The following FMN2 variants were observed in gnomAD, a reference collection of about 807,000 sequenced individuals.
FMN2 encodes the protein formin-2.
A neutral mutation model predicts 142.3 loss-of-function variants in FMN2; 51 were observed. That is an observed-to-expected ratio of 0.36 (90% CI 0.29 to 0.45). The LOEUF (loss-of-function observed/expected upper bound fraction) is 0.45. Among genes scored for constraint, FMN2 ranks in the 20% least tolerant of loss-of-function variants. The pLI is 1.00. For missense variants in FMN2, 1,936 were observed against 2,122.8 expected (o/e 0.91, Z 1.73); for synonymous variants, 882 against 869.8 (o/e 1.01, Z -0.25).
chr1:240,211,379 A>T, intron 6 of FMN2, 144 bp downstream of exon 6: 1 of 726,592 alleles, frequency 1.4e-6, no homozygotes, highest in Non-Finnish European at 2.2e-6. Flanking sequence ...ACTTTAGAAC[A>T]TGTGGTTAAG....
At chr1:240,218,881 C>T (rs549276596) in intron 6 of FMN2, among the ~76,000 whole-genome samples, 3 of 152,078 alleles carry the variant, frequency 2.0e-5, no homozygotes, top group African/African-American at 4.8e-5. Context: ...TTGAATTATC[C>T]TTCAGGTTCC....
rs1165001371 is a variant in FMN2, at chr1:240,092,677, A to G, written c.568A>G (p.Thr190Ala). The G allele has an allele frequency of 6.2e-7, 1 of 1,614,074 alleles. No individual in the cohort carries two copies. ...DTDIYSFHSA[T>A]EQEDLLSDIQ... ...GGACATCTATAGCTTCCATTCGGCT[A>G]CGGAGCAAGAGGATTTGCTTTCAGA... The change falls in exon 1 of 18, where the codon ACG becomes GCG. Residue 190 changes from threonine to alanine, a missense_variant. Thr to Ala is a moderately conservative substitution (Grantham distance 58, BLOSUM62 0). Around this residue, in one of 8 missense-constraint regions of FMN2, gnomAD observed 751 missense variants for 791.8 expected, o/e 0.95. Transcript: ENST00000319653.
At chr1:240,111,642 CTT>C (rs1661810838) in intron 1 of FMN2, among the ~76,000 whole-genome samples, 2 of 152,080 alleles carry the variant, frequency 1.3e-5, no homozygotes, top group Admixed American at 1.3e-4. Context: ...TGCAATCTGT[CTT>C]ATCAGCCTTA....
intron 13 of FMN2, among the ~76,000 whole-genome samples, chr1:240,350,723 T>A (rs1672069161): frequency 6.6e-6 from 1 of 152,152 alleles, no homozygotes; most frequent in African/African-American, 2.4e-5. Context: ...CATTTGTACG[T>A]GTTCTGTAGA....
intron 13 of FMN2, among the ~76,000 whole-genome samples, chr1:240,349,753 C>G (rs1349859837): frequency 6.6e-6 from 1 of 152,142 alleles, no homozygotes; most frequent in Non-Finnish European, 1.5e-5. Context: ...GATATAAAAT[C>G]TTTTTGACTC....
intron 13 of FMN2, among the ~76,000 whole-genome samples, chr1:240,349,287 A>G (rs1052966668): frequency 1.3e-5 from 2 of 152,202 alleles, no homozygotes; most frequent in Non-Finnish European, 2.9e-5. Context: ...CGTGGGAAAC[A>G]GTTGGATTTT....
At chr1:240,302,384 C>T (rs1670230126) in intron 8 of FMN2, among the ~76,000 whole-genome samples, 1 of 151,866 alleles carries the variant, frequency 6.6e-6, no homozygotes, top group South Asian at 2.1e-4. Context: ...AATTCTTACA[C>T]TTATCAAGGG....
chr1:240,228,327 A>AAAAAAAAAAG (rs1667404340), intron 6 of FMN2, among the ~76,000 whole-genome samples: 3 of 78,380 alleles, frequency 3.8e-5, no homozygotes, highest in Non-Finnish European at 6.9e-5. Flanking sequence ...AAAAAAAAAA[A>AAAAAAAAAAG]AAAAAGAAAA....
At chr1:240,264,496 A>G (rs1219997999) in intron 7 of FMN2, among the ~76,000 whole-genome samples, 1 of 152,122 alleles carries the variant, frequency 6.6e-6, no homozygotes, top group African/African-American at 2.4e-5. Flanking sequence ...TCTGTCATCT[A>G]CATTAGCTGT....
At chr1:240,359,950 C>G (rs556253401) in intron 14 of FMN2, among the ~76,000 whole-genome samples, 1 of 152,340 alleles carries the variant, frequency 6.6e-6, no homozygotes, top group African/African-American at 2.4e-5. Context: ...ATAGCATACA[C>G]TGTCTTGCTC....
At chr1:240,198,172 G>T (rs1004303812) in intron 4 of FMN2, among the ~76,000 whole-genome samples, 1 of 152,112 alleles carries the variant, frequency 6.6e-6, no homozygotes, top group Non-Finnish European at 1.5e-5. Flanking sequence ...TTGCTTTAAA[G>T]TATGGTCCAG....
intron 4 of FMN2, among the ~76,000 whole-genome samples, chr1:240,193,133 A>G (rs759309185): frequency 3.3e-4 from 50 of 152,184 alleles, no homozygotes; most frequent in Non-Finnish European, 4.6e-4. Context: ...ACTAGTTTGC[A>G]CTATGCAACA....
intron 2 of FMN2, among the ~76,000 whole-genome samples, chr1:240,135,805 G>A (rs943857523): frequency 6.0e-5 from 9 of 150,922 alleles, no homozygotes; most frequent in African/African-American, 2.0e-4. Flanking sequence ...TCAGCCTTCC[G>A]AGTAGCTGGG....
chr1:240,255,121 T>C (rs1478655407), intron 6 of FMN2, among the ~76,000 whole-genome samples: 1 of 152,154 alleles, frequency 6.6e-6, no homozygotes, highest in Non-Finnish European at 1.5e-5. Flanking sequence ...TGAGGGAGCC[T>C]GGAGAACCTT....
At chr1:240,239,381 C>G (rs949047846) in intron 6 of FMN2, among the ~76,000 whole-genome samples, 1 of 152,150 alleles carries the variant, frequency 6.6e-6, no homozygotes, top group Non-Finnish European at 1.5e-5. Context: ...AGAAAGAAGA[C>G]TATTTGGTCT....
At chr1:240,458,079 G>A (rs1676312542) in intron 16 of FMN2, 1 of 152,196 alleles carries the variant, frequency 6.6e-6, no homozygotes, top group African/African-American at 2.4e-5. Flanking sequence ...ACACGCTCTT[G>A]AGGCATTGGT....
At chr1:240,266,182 C>T (rs1409961703) in intron 7 of FMN2, among the ~76,000 whole-genome samples, 1 of 83,984 alleles carries the variant, frequency 1.2e-5, no homozygotes, top group African/African-American at 4.6e-5. Context: ...CAATCTTTGT[C>T]CCTTTCTCCC....
intron 15 of FMN2, among the ~76,000 whole-genome samples, chr1:240,399,062 C>T (rs546906312): frequency 2.8e-4 from 42 of 152,170 alleles, no homozygotes; most frequent in African/African-American, 1.0e-3. Context: ...ATTTTGGTAC[C>T]TGCACCAAAC....
In FMN2 at chr1:240,371,370, T is replaced by C. The variant is rs545423777; in HGVS notation, c.4858+15462T>C. Among the ~76,000 whole-genome samples, 189 of 152,268 alleles carry C rather than the reference T, an allele frequency of 1.2e-3. 1 individual carries two copies. Among genetic ancestry groups the C allele is most frequent in the Non-Finnish European group, 1.1e-3 (78 of 68,022 alleles). On this transcript the variant is annotated intron_variant, in intron 14 of 17. Coordinates refer to ENST00000319653, the MANE Select transcript of FMN2 (RefSeq NM_020066.5). ...AAGCTTTCCTTCCTTAGGTTCTGGG[T>C]ACTTGGATATGCTCTGCCATGAAGA...
Sources: allele counts gnomAD v4.1 joint callset (sites outside exome capture counted in the v4.1 genomes callset), GRCh38; gene constraint gnomAD v4.1.1; regional missense constraint gnomAD v4.1.1; transcripts MANE v1.5; gene names NCBI Gene and HGNC (gene_info 2026-07-23, HGNC 2026-07-21).